C5orf15: variants seen among roughly 807,000 people sequenced by gnomAD.
C5orf15 encodes the protein chromosome 5 open reading frame 15.
Under a neutral mutation model 17.8 loss-of-function variants are expected in C5orf15, and 10 were observed. The ratio of observed to expected loss-of-function variants is 0.56; its 90% CI spans 0.35 to 0.95. The LOEUF is 0.95. Ranked by LOEUF, C5orf15 falls within the 40% of genes least tolerant of loss-of-function variation. The probability of loss-of-function intolerance (pLI) is 0.02; values close to 1 mark genes in which losing one functional copy is unlikely to be tolerated. For synonymous variants in C5orf15, 124 were observed against 131.0 expected, an observed-to-expected ratio of 0.95 and a Z score of 0.36; for missense variants, 319 against 331.7, an observed-to-expected ratio of 0.96 and a Z score of 0.30.
intron 1 of C5orf15, among the ~76,000 whole-genome samples, chr5:133,964,014 C>T (rs1241823050): frequency 1.3e-5 from 2 of 152,118 alleles, no homozygotes; most frequent in African/African-American, 4.8e-5. Context: ...GTCAGGAGTT[C>T]GAGACCAGCC....
chr5:133,957,008 T>C lies in C5orf15; in HGVS notation c.667-18A>G, dbSNP rs1752051319. 1 of 1,592,630 alleles carries C rather than the reference T, an allele frequency of 6.3e-7. No individual in the cohort carries two copies. The highest frequency in any genetic ancestry group is 1.8e-5 in the Admixed American group (1 of 57,032). On this transcript the variant is annotated intron_variant, in intron 2 of 2. Coordinates refer to ENST00000231512, the MANE Select transcript of C5orf15 (RefSeq NM_020199.3). ...AGAAAAATCTGGAAAACAGAAGTCA[T>C]TAAATAGGCAAAAGAGAAAACAGAG... is the stretch of plus-strand genomic sequence containing the variant.
Position 133,960,182 on chromosome 5 carries a change from T to C in C5orf15, c.140-162A>G, listed in dbSNP as rs146841850. Among the ~76,000 whole-genome samples, 1,409 of 152,362 alleles carry C rather than the reference T, an allele frequency of 9.2e-3. 11 individuals are homozygous for C. The highest frequency in any genetic ancestry group is 0.011 in the Non-Finnish European group (764 of 68,026). ...TCTCAATAGCCAGCATTCAGTTACA[T>C]TTCTTCTTAGTCAGTTATTCTTCAG... On this transcript the variant is annotated intron_variant, in intron 1 of 2. Coordinates refer to ENST00000231512, the MANE Select transcript of C5orf15 (RefSeq NM_020199.3).
rs1408347158 is a variant in C5orf15 at position 133,959,791 on chromosome 5, A to T, written c.369T>A (p.Ser123Arg). 6.2e-7 allele frequency: 1 copy of T among 1,614,130 alleles called. No homozygotes were observed. Among genetic ancestry groups the T allele is most frequent in the Non-Finnish European group, 8.5e-7 (1 of 1,180,008 alleles). Residue 123 changes from serine to arginine, a missense_variant, in exon 2 of 3, where the codon AGT becomes AGA. Physicochemically the swap from Ser to Arg is moderately radical, Grantham distance 110. Transcript: ENST00000231512. ...QEEADNNEDP[S>R]IEEEDLLMLN... Reference sequence around the variant, plus strand: ...GCATGAGAAGATCCTCCTCCTCTATACTAGGATCTTCATTGTTATCAGCTT... The same window carrying T: ...GCATGAGAAGATCCTCCTCCTCTATTCTAGGATCTTCATTGTTATCAGCTT...
In C5orf15 at chr5:133,959,986, T is replaced by C. The variant is rs138733875; in HGVS notation, c.174A>G (p.Val58=). 5.0e-6 allele frequency: 8 copies of C among 1,612,962 alleles called. No homozygotes were observed. The African/African-American group carries it at 1.1e-4, about 22-fold the overall frequency. The change falls in exon 2 of 3, where the codon GTA becomes GTG. Residue 58 remains valine (V), a synonymous_variant. Coordinates refer to ENST00000231512, the MANE Select transcript of C5orf15 (RefSeq NM_020199.3). ...VSRTDSPSPT[V]LNSHISTPNV... ...TTGGGGTAGAAATATGTGAGTTGAGTACGGTTGGGCTCGGTGAATCAGTCC... is the reference window on the plus strand; with the variant it reads ...TTGGGGTAGAAATATGTGAGTTGAGCACGGTTGGGCTCGGTGAATCAGTCC...
At chr5:133,966,211 AAAAAAAC>A (rs1246079155) in intron 1 of C5orf15, among the ~76,000 whole-genome samples, 2 of 152,142 alleles carry the variant, frequency 1.3e-5, no homozygotes, top group Non-Finnish European at 2.9e-5. Flanking sequence ...CAGACTCAAA[AAAAAAAC>A]AAAAAACAAA....
intron 1 of C5orf15, among the ~76,000 whole-genome samples, chr5:133,965,781 T>A (rs1348792755): frequency 6.6e-6 from 1 of 151,882 alleles, no homozygotes; most frequent in African/African-American, 2.4e-5. Flanking sequence ...AAAAATCAGC[T>A]GAGCACGGTG....
In C5orf15 at chr5:133,957,104, T is replaced by G. The variant is rs191618165; in HGVS notation, c.667-114A>C. On this transcript the variant is annotated intron_variant, in intron 2 of 2. Transcript: ENST00000231512. ...GTTTCTAAATATAAAACACAAAATA[T>G]CAACAACAAAAAAGCTATTTTAGGC... is the stretch of plus-strand genomic sequence containing the variant. The G allele has an allele frequency of 8.6e-5, 84 of 975,144 alleles. No homozygotes were observed. The East Asian group carries it at 2.2e-3, about 26-fold the overall frequency. The allele number at this position is 975,144 out of a possible 1,614,324, so 60.4% of individuals were successfully genotyped here.
chr5:133,961,739 T>A (rs576535694), intron 1 of C5orf15, among the ~76,000 whole-genome samples: 18 of 151,974 alleles, frequency 1.2e-4, no homozygotes, highest in East Asian at 1.9e-4. Flanking sequence ...TGGCTTTTTT[T>A]ATTTTTCATA....
At chr5:133,960,938 TA>T (rs36040724) in intron 1 of C5orf15, among the ~76,000 whole-genome samples, 3,267 of 137,650 alleles carry the variant, frequency 0.024, 89 homozygotes, top group African/African-American at 0.076. Context: ...ACTAAAAAAA[TA>T]AAAAAAAAAA....
At position 133,959,431 on chromosome 5, in the gene C5orf15, AC is replaced by A; in HGVS notation, c.666+62del. 9.4e-6 allele frequency: 6 copies of A among 637,664 alleles called. No homozygotes were observed. The South Asian group carries it at 1.0e-4, about 11-fold the overall frequency. 39.5% of individuals were successfully genotyped at this position (637,664 alleles called of 1,614,324 possible). A position where few individuals can be genotyped will look rare whatever the true frequency, so the allele number is the denominator to read the frequency against. On this transcript the variant is annotated intron_variant, in intron 2 of 2. Transcript: ENST00000231512. ...AAAAAAAAAAAAAAAAAAAAAAAGA[AC>A]CATGAATCATCAAAAGCATTATGAC...
At chr5:133,962,915 T>C (rs775705788) in intron 1 of C5orf15, among the ~76,000 whole-genome samples, 23 of 152,190 alleles carry the variant, frequency 1.5e-4, no homozygotes, top group Non-Finnish European at 2.6e-4. Context: ...TTGCTTATAA[T>C]CACTCTCTTA....
chr5:133,957,281 C>T (rs1580697292), intron 2 of C5orf15, among the ~76,000 whole-genome samples: 4 of 150,894 alleles, frequency 2.7e-5, no homozygotes, highest in African/African-American at 4.9e-5. Context: ...GAGGATCACT[C>T]GAGCCCAGGA....
At position 133,959,691 on chromosome 5, in the gene C5orf15, T is replaced by C; in HGVS notation, c.469A>G (p.Thr157Ala). Reference protein sequence around the residue: ...DYGEPDYDWTTGPRDDDESDD... With the variant: ...DYGEPDYDWTAGPRDDDESDD... ...GACTCGTCGTCGTCCCTGGGGCCCG[T>C]GGTCCAGTCATAGTCTGGTTCTCCA... The change falls in exon 2 of 3, where the codon ACG (threonine) becomes GCG (alanine). Residue 157 changes from threonine (T) to alanine (A), a missense_variant. This residue lies in a region of C5orf15 where 175 missense variants were observed against 192.4 expected (regional missense o/e 0.91). Coordinates refer to ENST00000231512, the MANE Select transcript of C5orf15 (RefSeq NM_020199.3). The C allele has an allele frequency of 6.2e-7, 1 of 1,613,510 alleles. No individual in the cohort carries two copies. Among genetic ancestry groups the C allele is most frequent in the African/African-American group, 1.3e-5 (1 of 75,012 alleles).
chr5:133,959,246 T>C (rs1380088252), intron 2 of C5orf15, among the ~76,000 whole-genome samples: 4 of 151,626 alleles, frequency 2.6e-5, no homozygotes, highest in Non-Finnish European at 5.9e-5. Flanking sequence ...TTTTAAAAAT[T>C]AGCCAGGTGT....
chr5:133,957,885 GTGTT>G (rs938463206), intron 2 of C5orf15, among the ~76,000 whole-genome samples: 5 of 152,214 alleles, frequency 3.3e-5, no homozygotes, highest in African/African-American at 1.2e-4. Context: ...AAGGAACTGT[GTGTT>G]TGATCTCCCT....
Position 133,956,686 on chromosome 5 carries a change from A to G in C5orf15, c.*173T>C. The stretch of plus-strand genomic sequence containing the variant: ...ACACCTGATTAAACTCAGCTCTAAA[A>G]GTACAGATAAAAAATTATATACTCG... On this transcript the variant is annotated 3_prime_UTR_variant, in exon 3 of 3. Transcript: ENST00000231512. 1 of 516,482 alleles carries G rather than the reference A, an allele frequency of 1.9e-6. No homozygotes were observed. The highest frequency in any genetic ancestry group is 3.1e-6 in the Non-Finnish European group (1 of 322,220). The allele number at this position is 516,482 out of a possible 1,614,324, so 32.0% of individuals were successfully genotyped here. A position where few individuals can be genotyped will look rare whatever the true frequency, so the allele number is the denominator to read the frequency against.
At position 133,957,010 on chromosome 5, in the gene C5orf15, A is replaced by C. The variant is rs1298011144; in HGVS notation, c.667-20T>G. On this transcript the variant is annotated intron_variant, in intron 2 of 2. Coordinates refer to ENST00000231512, the MANE Select transcript of C5orf15 (RefSeq NM_020199.3). ...AAAAATCTGGAAAACAGAAGTCATT[A>C]AATAGGCAAAAGAGAAAACAGAGAA... 11 of 1,586,390 alleles carry C rather than the reference A, an allele frequency of 6.9e-6. No homozygotes were observed. The highest frequency in any genetic ancestry group is 9.5e-6 in the Non-Finnish European group (11 of 1,162,176).
At chr5:133,961,593 C>T (rs1752125955) in intron 1 of C5orf15, among the ~76,000 whole-genome samples, 1 of 142,158 alleles carries the variant, frequency 7.0e-6, no homozygotes. Context: ...CTCTTTTTCC[C>T]TTTTTTTTTT....
At chr5:133,957,792 C>G (rs1210550753) in intron 2 of C5orf15, among the ~76,000 whole-genome samples, 1 of 152,182 alleles carries the variant, frequency 6.6e-6, no homozygotes, top group African/African-American at 2.4e-5. Context: ...ATCAAGGCCC[C>G]GAAGGGGAAG....
Sources: allele counts gnomAD v4.1 joint callset (sites outside exome capture counted in the v4.1 genomes callset), GRCh38; gene constraint gnomAD v4.1.1; regional missense constraint gnomAD v4.1.1; transcripts MANE v1.5; gene names NCBI Gene and HGNC (gene_info 2026-07-23, HGNC 2026-07-21).